Variants in EP300 observed in about 807,000 individuals in gnomAD.
EP300 encodes EP300 lysine acetyltransferase.
EP300 carries 31 observed loss-of-function variants against 264.0 expected under a neutral mutation model. That is an observed-to-expected ratio of 0.12 (90% CI 0.09 to 0.16). The LOEUF is 0.16. EP300 is among the 10% of genes least tolerant of loss of function. The pLI is 1.00. For missense variants in EP300, 2,766 were observed against 3,052.9 expected, an observed-to-expected ratio of 0.91 and a Z score of 2.21; for synonymous variants, 1,340 against 1,045.4, an observed-to-expected ratio of 1.28 and a Z score of -5.44.
At position 41,149,787 on chromosome 22, in the gene EP300, G is replaced by A. The variant is rs527605638; in HGVS notation, c.2406G>A (p.Pro802=). 1.4e-5 allele frequency: 23 copies of A among 1,613,572 alleles called. No homozygotes were observed. The highest frequency in any genetic ancestry group is 1.6e-4 in the Middle Eastern group (1 of 6,062). Residue 802 remains proline (P), a synonymous_variant, in exon 14 of 31, where the codon CCG becomes CCA. Coordinates refer to ENST00000263253, the MANE Select transcript of EP300 (RefSeq NM_001429.4). The stretch of plus-strand genomic sequence containing the variant: ...CACAAATGTCTAGTTCTTCCTGCCC[G>A]GTGAACTCTCCTATAATGCCTCCAG... The part of the protein sequence containing the change: ...SQAQMSSSSC[P]VNSPIMPPGS...
rs2058907940 is a variant in EP300 at position 41,129,943 on chromosome 22, A to C, written c.1222A>C (p.Arg408=). ...CATTTCACACTGGAAGAATTGTACA[A>C]GACATGATTGTCCTGTGTGTCTCCC... The part of the protein sequence containing the change: ...QIISHWKNCT[R]HDCPVCLPLK... Residue 408 remains arginine, a synonymous_variant, in exon 5 of 31, where the codon AGA becomes CGA. Transcript: ENST00000263253. The C allele has an allele frequency of 6.2e-7, 1 of 1,613,970 alleles. No individual in the cohort carries two copies. Among genetic ancestry groups the C allele is most frequent in the Non-Finnish European group, 8.5e-7 (1 of 1,180,006 alleles).
intron 11 of EP300, among the ~76,000 whole-genome samples, chr22:41,147,264 C>T (rs1258140242): frequency 1.3e-5 from 2 of 150,878 alleles, no homozygotes; most frequent in Non-Finnish European, 2.9e-5. Context: ...CGAGATCGCG[C>T]CACTGGACCC....
chr22:41,141,894 C>G (rs2058984709), intron 10 of EP300, among the ~76,000 whole-genome samples: 2 of 152,062 alleles, frequency 1.3e-5, no homozygotes, highest in Middle Eastern at 3.2e-3. Flanking sequence ...CCTAGCTGAT[C>G]TCAAACTCCT....
At chr22:41,158,075 G>A (rs577459584) in intron 18 of EP300, among the ~76,000 whole-genome samples, 12 of 152,248 alleles carry the variant, frequency 7.9e-5, no homozygotes, top group Middle Eastern at 6.8e-3. Flanking sequence ...TAAGACTATG[G>A]TCTTGCTGTG....
At chr22:41,111,162 C>G (rs1375466553) in intron 1 of EP300, among the ~76,000 whole-genome samples, 2 of 151,990 alleles carry the variant, frequency 1.3e-5, no homozygotes, top group Non-Finnish European at 2.9e-5. Context: ...GACCGGGTTT[C>G]ACCACGTTGG....
intron 8 of EP300, among the ~76,000 whole-genome samples, 188 bp from the exon 9 acceptor site, chr22:41,139,952 T>C (rs756719276): frequency 1.3e-5 from 2 of 152,198 alleles, no homozygotes; most frequent in Admixed American, 6.5e-5. Context: ...TCATTTCTTA[T>C]ATTGTGAACG....
intron 10 of EP300, among the ~76,000 whole-genome samples, chr22:41,146,059 C>T (rs1156766497): frequency 6.6e-6 from 1 of 152,026 alleles, no homozygotes; most frequent in Non-Finnish European, 1.5e-5. Context: ...AATTCGGCCA[C>T]CATTAGACAT....
chr22:41,127,836 T>C (rs2058891905), intron 4 of EP300, 88 bp downstream of exon 4: 1 of 1,530,586 alleles, frequency 6.5e-7, no homozygotes, highest in Non-Finnish European at 9.0e-7. Context: ...TTTGTGGTGA[T>C]GGATATGTTT....
intron 15 of EP300, 21 bp downstream of exon 15, chr22:41,152,033 G>A (rs2059049001): frequency 1.2e-6 from 2 of 1,613,792 alleles, no homozygotes; most frequent in African/African-American, 1.3e-5. Context: ...GGCAATTACT[G>A]TTTGATTTGG....
chr22:41,172,727 C>CT, intron 28 of EP300, 64 bp downstream of exon 28: 1 of 1,530,050 alleles, frequency 6.5e-7, no homozygotes, highest in Non-Finnish European at 8.9e-7. Context: ...CAGAAGTGCA[C>CT]TTAAACTTTC....
intron 14 of EP300, among the ~76,000 whole-genome samples, chr22:41,151,436 CTCCTTT>C (rs1010149919): frequency 1.3e-5 from 2 of 152,188 alleles, no homozygotes; most frequent in Non-Finnish European, 2.9e-5. Flanking sequence ...TATTTATTGT[CTCCTTT>C]TCTGTACCTT....
chr22:41,095,814 A>G (rs2058699134), intron 1 of EP300, among the ~76,000 whole-genome samples: 1 of 152,194 alleles, frequency 6.6e-6, no homozygotes, highest in Admixed American at 6.6e-5. Flanking sequence ...ATGTAAATAT[A>G]TCCACCAAGA....
At chr22:41,119,647 G>C (rs189697638) in intron 2 of EP300, among the ~76,000 whole-genome samples, 33 of 152,182 alleles carry the variant, frequency 2.2e-4, no homozygotes, top group African/African-American at 8.0e-4. Context: ...AAGGCTCATT[G>C]ACATCTGCTT....
rs2059214523 is a variant in EP300 at position 41,178,204 on chromosome 22, G to A, written c.6493G>A (p.Ala2165Thr). Reference protein sequence around the residue: ...QPPMGGMSPQAQQMNMNHNTM... With the variant: ...QPPMGGMSPQTQQMNMNHNTM... ...ACCCATGGGAGGGATGAGCCCCCAGGCTCAGCAGATGAACATGAACCACAA... is the reference window on the plus strand; with the variant it reads ...ACCCATGGGAGGGATGAGCCCCCAGACTCAGCAGATGAACATGAACCACAA... Residue 2165 changes from alanine to threonine, a missense_variant, in exon 31 of 31, where the codon GCT becomes ACT. By Grantham distance (58) the Ala-to-Thr change is moderately conservative. Coordinates refer to ENST00000263253, the MANE Select transcript of EP300 (RefSeq NM_001429.4). 1 of 1,613,840 alleles carries A rather than the reference G, an allele frequency of 6.2e-7. No individual in the cohort carries two copies. The highest frequency in any genetic ancestry group is 8.5e-7 in the Non-Finnish European group (1 of 1,179,958).
chr22:41,162,262 T>G (rs575849001), intron 20 of EP300, among the ~76,000 whole-genome samples: 2 of 152,308 alleles, frequency 1.3e-5, no homozygotes, highest in African/African-American at 4.8e-5. Context: ...CATGTCCTCA[T>G]TTTTGTAAGG....
In EP300 at chr22:41,167,865, G is replaced by A. The variant is rs181319649; in HGVS notation, c.3875-584G>A. ...TTTTTTTTTTTTGAGACAGAGTCTC[G>A]CTGTCGCCCATAGTGGCGCAGTCTC... On this transcript the variant is annotated intron_variant, in intron 23 of 30. Transcript: ENST00000263253. Among the ~76,000 whole-genome samples, 957 of 103,448 alleles carry A rather than the reference G, an allele frequency of 9.3e-3. 21 individuals carry two copies. The highest frequency in any genetic ancestry group is 0.035 in the African/African-American group (909 of 25,618). The allele number at this position is 103,448 out of a possible 152,430, so 67.9% of individuals were successfully genotyped here.
Position 41,117,738 on chromosome 22 carries a change from G to T in EP300, c.646G>T (p.Gly216Cys), listed in dbSNP as rs890265112. Residue 216 changes from glycine to cysteine, a missense_variant, in exon 2 of 31, where the codon GGC becomes TGC. Coordinates refer to ENST00000263253, the MANE Select transcript of EP300 (RefSeq NM_001429.4). ...QYPNPGMGSA[G>C]NLLTEPLQQG... is the part of the protein sequence containing the mutation. ...CCCAAACCCAGGCATGGGAAGTGCT[G>T]GCAACTTACTGACTGAGCCTCTTCA... 1.2e-6 allele frequency: 2 copies of T among 1,614,228 alleles called. No homozygotes were observed. The highest frequency in any genetic ancestry group is 1.7e-6 in the Non-Finnish European group (2 of 1,180,044).
At chr22:41,133,120 A>G (rs962823983) in intron 6 of EP300, among the ~76,000 whole-genome samples, 3 of 151,886 alleles carry the variant, frequency 2.0e-5, no homozygotes, top group Non-Finnish European at 4.4e-5. Flanking sequence ...CTGGGATTAC[A>G]GGCATGAGCC....
At chr22:41,176,646 G>A (rs1202656312) in intron 30 of EP300, 118 bp downstream of exon 30, 21 of 1,608,128 alleles carry the variant, frequency 1.3e-5, no homozygotes, top group Admixed American at 3.3e-5. Flanking sequence ...TCGTGTTTGA[G>A]GGGCAGAGCT....
Sources: gnomAD v4.1 joint callset for allele counts (sites outside exome capture counted in the v4.1 genomes callset) on GRCh38, gnomAD v4.1.1 for gene constraint, MANE v1.5 for transcripts, NCBI Gene and HGNC (gene_info 2026-07-23, HGNC 2026-07-21) for gene names.